The following CD200R1L variants were observed in gnomAD, a reference collection of about 807,000 sequenced individuals.
CD200R1L encodes cell surface glycoprotein CD200 receptor 2.
CD200R1L carries 14 observed loss-of-function variants against 24.8 expected under a neutral mutation model. The observed-to-expected ratio is 0.56, with a 90% CI of 0.37 to 0.88. CD200R1L has a LOEUF of 0.88. Among genes scored for constraint, CD200R1L ranks in the 40% least tolerant of loss-of-function variants. The pLI is 0.00. For synonymous variants in CD200R1L, 111 were observed against 109.2 expected (o/e 1.02, Z -0.11); for missense variants, 299 against 297.8 (o/e 1.00, Z -0.03).
chr3:112,837,442 A>G (rs1215336470), intron 3 of CD200R1L, among the ~76,000 whole-genome samples: 1 of 152,200 alleles, frequency 6.6e-6, no homozygotes, highest in Non-Finnish European at 1.5e-5. Flanking sequence ...GCAATCCAGC[A>G]TGCACACTAA....
chr3:112,822,295 G>A (rs1185838227), intron 6 of CD200R1L, among the ~76,000 whole-genome samples: 1 of 152,198 alleles, frequency 6.6e-6, no homozygotes, highest in East Asian at 1.9e-4. Context: ...GTGGCTGGGA[G>A]CCTGAAGACA....
At chr3:112,838,476 A>G (rs180913608) in intron 2 of CD200R1L, among the ~76,000 whole-genome samples, 2 of 102,984 alleles carry the variant, frequency 1.9e-5, no homozygotes, top group Admixed American at 2.1e-4. Context: ...TGCAAAAAAA[A>G]CAAACAAACA....
chr3:112,819,975 T>TGTTC, intron 6 of CD200R1L, 80 bp from the exon 7 acceptor site: 1 of 1,315,718 alleles, frequency 7.6e-7, no homozygotes, highest in Non-Finnish European at 1.0e-6. Context: ...TTAAAGAACA[T>TGTTC]TTTAAAATAT....
intron 3 of CD200R1L, among the ~76,000 whole-genome samples, 192 bp downstream of exon 3, chr3:112,837,750 A>G (rs574985311): frequency 6.8e-6 from 1 of 146,582 alleles, no homozygotes; most frequent in East Asian, 1.9e-4. Flanking sequence ...TTTGTGTGCT[A>G]CTAAGAAATC....
intron 2 of CD200R1L, among the ~76,000 whole-genome samples, chr3:112,844,222 A>G (rs1168798835): frequency 6.6e-6 from 1 of 152,180 alleles, no homozygotes; most frequent in Non-Finnish European, 1.5e-5. Flanking sequence ...AGACAACTCC[A>G]CTCAACAACC....
chr3:112,830,715 A>C (rs545279463), intron 3 of CD200R1L, among the ~76,000 whole-genome samples: 1 of 152,058 alleles, frequency 6.6e-6, no homozygotes. Context: ...AAATTTCTAC[A>C]TGCCAATTTC....
At position 112,819,776 on chromosome 3, in the gene CD200R1L, C is replaced by T; in HGVS notation, c.736G>A (p.Val246Ile). 6.3e-7 allele frequency: 1 copy of T among 1,599,024 alleles called. No homozygotes were observed. Among genetic ancestry groups the T allele is most frequent in the Non-Finnish European group, 8.5e-7 (1 of 1,175,850 alleles). Residue 246 changes from valine to isoleucine, a missense_variant, in exon 7 of 8, where the codon GTC (valine) becomes ATC (isoleucine). Transcript: ENST00000488794. ...TTTTCAGTCTTCAGTTCCTACCTGA[C>T]ATGATTTATCCTCTGGAAGAAAACA... ...GFVFFQRINH[V>I]RKVL
At chr3:112,843,325 A>G (rs1223515441) in intron 2 of CD200R1L, among the ~76,000 whole-genome samples, 1 of 152,236 alleles carries the variant, frequency 6.6e-6, no homozygotes, top group Non-Finnish European at 1.5e-5. Flanking sequence ...GAAAAGGGCC[A>G]GCTCACTTAC....
chr3:112,832,482 C>T (rs947980106), intron 3 of CD200R1L, among the ~76,000 whole-genome samples: 14 of 152,126 alleles, frequency 9.2e-5, no homozygotes, highest in South Asian at 2.1e-4. Context: ...AACCACCCCC[C>T]TTGGCGAAGA....
chr3:112,838,924 T>A (rs1367104204), intron 2 of CD200R1L, among the ~76,000 whole-genome samples: 1 of 152,086 alleles, frequency 6.6e-6, no homozygotes, highest in East Asian at 1.9e-4. Flanking sequence ...GAAAAAAAAT[T>A]CTCTTTAAGG....
At chr3:112,838,662 T>C (rs1201215068) in intron 2 of CD200R1L, among the ~76,000 whole-genome samples, 1 of 152,206 alleles carries the variant, frequency 6.6e-6, no homozygotes, top group African/African-American at 2.4e-5. Context: ...CCTTGGTAAA[T>C]ATTCTGTGTT....
At chr3:112,846,095 G>T (rs540229883) in intron 1 of CD200R1L, 145 bp from the exon 2 acceptor site, 37 of 186,750 alleles carry the variant, frequency 2.0e-4, no homozygotes, top group African/African-American at 8.2e-4. Context: ...AACAAATCTT[G>T]AGTGTATGGT....
intron 3 of CD200R1L, 125 bp from the exon 4 acceptor site, chr3:112,829,509 A>G (rs769245546): frequency 1.1e-5 from 14 of 1,289,934 alleles, no homozygotes; most frequent in Middle Eastern, 2.0e-4. Flanking sequence ...ATTATACAAA[A>G]ATCATTGTAA....
intron 2 of CD200R1L, among the ~76,000 whole-genome samples, chr3:112,844,388 G>A (rs1009243144): frequency 6.6e-6 from 1 of 152,108 alleles, no homozygotes; most frequent in African/African-American, 2.4e-5. Flanking sequence ...TCAATATCAA[G>A]CATGTCTCTG....
intron 2 of CD200R1L, among the ~76,000 whole-genome samples, chr3:112,841,589 C>T (rs1939081867): frequency 6.6e-6 from 1 of 152,216 alleles, no homozygotes; most frequent in Non-Finnish European, 1.5e-5. Context: ...CTAGCCCTTG[C>T]TGACTGCCAG....
chr3:112,831,886 C>T (rs917635375), intron 3 of CD200R1L, among the ~76,000 whole-genome samples: 2 of 152,198 alleles, frequency 1.3e-5, no homozygotes, highest in Non-Finnish European at 2.9e-5. Context: ...TAATACAGTG[C>T]TCTGCACTTC....
At chr3:112,837,063 C>T (rs563725467) in intron 3 of CD200R1L, among the ~76,000 whole-genome samples, 45 of 152,288 alleles carry the variant, frequency 3.0e-4, no homozygotes, top group South Asian at 6.2e-4. Flanking sequence ...CTATGGTTCT[C>T]TATCTATTCA....
At chr3:112,835,831 G>C (rs188034570) in intron 3 of CD200R1L, among the ~76,000 whole-genome samples, 1 of 152,372 alleles carries the variant, frequency 6.6e-6, no homozygotes, top group South Asian at 2.1e-4. Flanking sequence ...GAGCACAGGG[G>C]TGCCCAGGTT....
At chr3:112,844,699 G>T (rs906021261) in intron 2 of CD200R1L, among the ~76,000 whole-genome samples, 6 of 152,110 alleles carry the variant, frequency 3.9e-5, no homozygotes, top group Non-Finnish European at 7.4e-5. Flanking sequence ...GCTGAGGGGG[G>T]TGGATCACAA....
Sources: gnomAD v4.1 joint callset for allele counts (sites outside exome capture counted in the v4.1 genomes callset) on GRCh38, gnomAD v4.1.1 for gene constraint, MANE v1.5 for transcripts, NCBI Gene and HGNC (gene_info 2026-07-23, HGNC 2026-07-21) for gene names.